The following SOX5 variants were observed in gnomAD, a reference collection of about 807,000 sequenced individuals.
SOX5 encodes transcription factor SOX-5.
Under a neutral mutation model 92.0 loss-of-function variants are expected in SOX5, and 9 were observed. The observed-to-expected ratio is 0.10, with a 90% CI of 0.06 to 0.17. The LOEUF is 0.17. SOX5 is among the 10% of genes least tolerant of loss of function. The pLI, the probability that SOX5 is intolerant of heterozygous loss-of-function variation, is 1.00. For synonymous variants in SOX5, 344 were observed against 336.3 expected (o/e 1.02, Z -0.25); for missense variants, 642 against 944.5 (o/e 0.68, Z 4.20).
intron 6 of SOX5, among the ~76,000 whole-genome samples, chr12:23,711,960 A>G (rs2092094595): frequency 6.6e-6 from 1 of 152,164 alleles, no homozygotes; most frequent in Non-Finnish European, 1.5e-5. Flanking sequence ...GACTATAACA[A>G]ACTTGAAACA....
intron 2 of SOX5, among the ~76,000 whole-genome samples, chr12:24,317,925 T>A (rs561185645): frequency 6.6e-6 from 1 of 152,284 alleles, no homozygotes; most frequent in African/African-American, 2.4e-5. Context: ...TATAAATATT[T>A]CAGGCTGGGT....
At chr12:23,607,442 TG>T (rs1419698397) in intron 8 of SOX5, among the ~76,000 whole-genome samples, 1 of 152,226 alleles carries the variant, frequency 6.6e-6, no homozygotes, top group African/African-American at 2.4e-5. Flanking sequence ...TTCTTCTATC[TG>T]GCTACATATG....
chr12:24,231,220 A>G (rs11047323), intron 3 of SOX5, among the ~76,000 whole-genome samples: 33,251 of 152,136 alleles, frequency 0.22, 4,233 homozygotes, highest in Non-Finnish European at 0.29. Flanking sequence ...ATATGACCAC[A>G]TTAGAATTAT....
At chr12:24,288,998 T>C (rs1401527809) in intron 2 of SOX5, among the ~76,000 whole-genome samples, 2 of 152,340 alleles carry the variant, frequency 1.3e-5, no homozygotes, top group East Asian at 3.9e-4. Flanking sequence ...GACTTTGAAC[T>C]TAGAAACTTA....
At chr12:24,515,381 T>C (rs1566362160) in intron 1 of SOX5, among the ~76,000 whole-genome samples, 1 of 152,182 alleles carries the variant, frequency 6.6e-6, no homozygotes, top group Non-Finnish European at 1.5e-5. Context: ...TGACACTAAT[T>C]ATATTTAAGT....
chr12:23,969,069 A>G (rs1233017288), intron 4 of SOX5, among the ~76,000 whole-genome samples: 1 of 152,198 alleles, frequency 6.6e-6, no homozygotes, highest in Non-Finnish European at 1.5e-5. Flanking sequence ...ATCATGATAA[A>G]TGGAGTCAAC....
At chr12:23,854,727 T>C (rs2096668713) in intron 2 of SOX5, among the ~76,000 whole-genome samples, 3 of 152,126 alleles carry the variant, frequency 2.0e-5, no homozygotes, top group Admixed American at 6.6e-5. Context: ...TTGGTTCAAA[T>C]CCTGGTTCCA....
Position 24,251,350 on chromosome 12 carries a change from G to A in SOX5, c.-77+25866C>T, listed in dbSNP as rs74583100. Among the ~76,000 whole-genome samples, 625 of 152,246 alleles carry A rather than the reference G, an allele frequency of 4.1e-3. 9 individuals are homozygous for A. Among genetic ancestry groups the A allele is most frequent in the African/African-American group, 0.014 (600 of 41,528 alleles). ...AAATACATTTTACTGATAAGATTCA[G>A]CATGGCAGGAAGTTCCTTCATTCCC... On this transcript the variant is annotated intron_variant, in intron 3 of 4. Coordinates refer to the SOX5 transcript ENST00000446891.
chr12:23,729,622 T>C (rs1308187019), intron 6 of SOX5, among the ~76,000 whole-genome samples: 1 of 152,190 alleles, frequency 6.6e-6, no homozygotes, highest in African/African-American at 2.4e-5. Flanking sequence ...ACTAATTCTT[T>C]GCTTGCAAGA....
intron 1 of SOX5, among the ~76,000 whole-genome samples, chr12:24,490,848 T>C (rs960551004): frequency 3.9e-5 from 6 of 152,188 alleles, no homozygotes; most frequent in Non-Finnish European, 7.3e-5. Flanking sequence ...TTTATGCCTC[T>C]TTTAAACTTA....
intron 3 of SOX5, among the ~76,000 whole-genome samples, chr12:23,806,605 A>G (rs938419528): frequency 2.0e-5 from 3 of 151,840 alleles, no homozygotes; most frequent in Non-Finnish European, 4.4e-5. Context: ...AAAAGAAAAA[A>G]AAAACTTTTC....
intron 6 of SOX5, among the ~76,000 whole-genome samples, chr12:23,731,320 T>C (rs963101641): frequency 2.0e-5 from 3 of 152,190 alleles, no homozygotes; most frequent in Admixed American, 2.0e-4. Context: ...GCCTCCATAA[T>C]TGTGTGAGCC....
At chr12:23,590,001 T>G (rs915547937) in intron 9 of SOX5, among the ~76,000 whole-genome samples, 43 of 152,098 alleles carry the variant, frequency 2.8e-4, no homozygotes, top group Admixed American at 3.3e-4. Flanking sequence ...TATGTGTTTG[T>G]GCAGTGGGGT....
At chr12:24,341,629 C>A (rs889256212) in intron 2 of SOX5, among the ~76,000 whole-genome samples, 5 of 152,186 alleles carry the variant, frequency 3.3e-5, no homozygotes, top group African/African-American at 1.2e-4. Flanking sequence ...CACAGGAAGT[C>A]AAATCCTGCA....
rs115082302 is a variant in SOX5 at position 24,377,521 on chromosome 12, C to T, written c.-250-8882G>A. ...CTTTCATGAGGTATCAGTGTATAGA[C>T]GCAAAGTTGAAATTGGAAGACATAA... On this transcript the variant is annotated intron_variant, in intron 1 of 4. Coordinates refer to the SOX5 transcript ENST00000446891. Among the ~76,000 whole-genome samples, 975 of 152,224 alleles carry T rather than the reference C, an allele frequency of 6.4e-3. 9 individuals are homozygous for T. The highest frequency in any genetic ancestry group is 0.021 in the African/African-American group (873 of 41,548).
intron 1 of SOX5, among the ~76,000 whole-genome samples, chr12:24,528,109 T>A (rs1430631625): frequency 6.6e-6 from 1 of 152,226 alleles, no homozygotes; most frequent in African/African-American, 2.4e-5. Context: ...ATGAATAACC[T>A]CTGCCTGGCT....
intron 1 of SOX5, among the ~76,000 whole-genome samples, chr12:24,533,071 C>T (rs1042134173): frequency 4.6e-5 from 7 of 152,290 alleles, no homozygotes; most frequent in Admixed American, 4.6e-4. Flanking sequence ...CAAATTATCA[C>T]TTAAAATTTC....
chr12:23,681,524 A>G (rs1162787861), intron 6 of SOX5, among the ~76,000 whole-genome samples: 1 of 151,770 alleles, frequency 6.6e-6, no homozygotes, highest in Non-Finnish European at 1.5e-5. Context: ...ATAATAACAA[A>G]AAAGGTTGAA....
chr12:23,557,294 A>G (rs1248168487), intron 11 of SOX5, among the ~76,000 whole-genome samples: 1 of 152,232 alleles, frequency 6.6e-6, no homozygotes, highest in African/African-American at 2.4e-5. Context: ...CATGTTATTT[A>G]CCAAATTTCC....
Sources: allele counts gnomAD v4.1 joint callset (sites outside exome capture counted in the v4.1 genomes callset), GRCh38; gene constraint gnomAD v4.1.1; transcripts MANE v1.5; gene names NCBI Gene and HGNC (gene_info 2026-07-23, HGNC 2026-07-21).